Variants in SPATS2L observed in about 807,000 individuals in gnomAD.
SPATS2L encodes the protein spermatogenesis associated serine rich 2 like.
Under a neutral mutation model 59.6 loss-of-function variants are expected in SPATS2L, and 30 were observed. The observed-to-expected ratio is 0.50, with a 90% confidence interval of 0.38 to 0.68. SPATS2L has a LOEUF of 0.68. Ranked by LOEUF, SPATS2L falls within the 30% of genes least tolerant of loss-of-function variation. The pLI, the probability that SPATS2L is intolerant of heterozygous loss-of-function variation, is 0.00. For synonymous variants in SPATS2L, 252 were observed against 263.5 expected, an observed-to-expected ratio of 0.96 and a Z score of 0.42; for missense variants, 615 against 700.0, an observed-to-expected ratio of 0.88 and a Z score of 1.37.
intron 2 of SPATS2L, among the ~76,000 whole-genome samples, chr2:200,371,450 G>A (rs544571892): frequency 6.6e-6 from 1 of 152,288 alleles, no homozygotes; most frequent in East Asian, 1.9e-4. Flanking sequence ...GTCACAAGTA[G>A]ACTTGTACAG....
chr2:200,473,305 G>T (rs1212575425), intron 12 of SPATS2L, among the ~76,000 whole-genome samples: 1 of 152,072 alleles, frequency 6.6e-6, no homozygotes, highest in East Asian at 1.9e-4. Context: ...TTGACCACGT[G>T]AGCAGAGTCC....
chr2:200,346,073 A>G (rs2080502079), intron 2 of SPATS2L, among the ~76,000 whole-genome samples: 2 of 152,184 alleles, frequency 1.3e-5, no homozygotes. Flanking sequence ...GATGCCGTAT[A>G]TTTTTCCTTG....
intron 1 of SPATS2L, among the ~76,000 whole-genome samples, chr2:200,323,124 T>G (rs1254584325): frequency 6.6e-6 from 1 of 152,194 alleles, no homozygotes; most frequent in East Asian, 1.9e-4. Flanking sequence ...ACTATGCAAC[T>G]AGTGAATAGT....
At chr2:200,402,823 A>T (rs1439033620) in intron 3 of SPATS2L, among the ~76,000 whole-genome samples, 1 of 152,244 alleles carries the variant, frequency 6.6e-6, no homozygotes, top group East Asian at 1.9e-4. Context: ...CATGGCCTAC[A>T]CAAAATTCAA....
rs969789865 is a variant in SPATS2L, at chr2:200,306,779, A to T, written c.-216A>T. Reference sequence around the variant, plus strand: ...GCCGGCAGCGCGGGGCGAGCTCCGGACGGCGCGCGGCCCAGGCAGCGGCTC... The same window carrying T: ...GCCGGCAGCGCGGGGCGAGCTCCGGTCGGCGCGCGGCCCAGGCAGCGGCTC... On this transcript the variant is annotated 5_prime_UTR_variant, in exon 1 of 13. Coordinates refer to ENST00000409140, the MANE Select transcript of SPATS2L (RefSeq NM_001100423.2). 9 of 981,670 alleles carry T rather than the reference A, an allele frequency of 9.2e-6. No homozygotes were observed. The highest frequency in any genetic ancestry group is 9.7e-6 in the Non-Finnish European group (8 of 828,252). 60.8% of individuals were successfully genotyped at this position (981,670 alleles called of 1,614,324 possible).
intron 2 of SPATS2L, among the ~76,000 whole-genome samples, chr2:200,364,279 A>G (rs1278943112): frequency 6.6e-6 from 1 of 152,350 alleles, no homozygotes; most frequent in East Asian, 1.9e-4. Flanking sequence ...TTACAGCAGC[A>G]CTAGGAAACA....
At chr2:200,352,391 T>C (rs908782115) in intron 2 of SPATS2L, among the ~76,000 whole-genome samples, 6 of 146,420 alleles carry the variant, frequency 4.1e-5, no homozygotes, top group Non-Finnish European at 8.9e-5. Context: ...AGCTCGATTT[T>C]CTCTCTCTCT....
intron 9 of SPATS2L, among the ~76,000 whole-genome samples, chr2:200,463,009 G>A (rs2086349064): frequency 6.6e-6 from 1 of 151,838 alleles, no homozygotes. Flanking sequence ...TACACGTCAG[G>A]CACTTAGCAC....
chr2:200,410,959 A>G (rs2082855850), intron 3 of SPATS2L, among the ~76,000 whole-genome samples: 1 of 151,388 alleles, frequency 6.6e-6, no homozygotes, highest in Admixed American at 6.6e-5. Context: ...AAAACTAAGA[A>G]CAATGAAATG....
At chr2:200,398,780 T>TGC (rs1208237554) in intron 3 of SPATS2L, among the ~76,000 whole-genome samples, 7 of 152,176 alleles carry the variant, frequency 4.6e-5, no homozygotes, top group Non-Finnish European at 8.8e-5. Context: ...GAGACTGTGC[T>TGC]GCGGATCAGA....
At chr2:200,362,514 A>G (rs1046195582) in intron 2 of SPATS2L, among the ~76,000 whole-genome samples, 3 of 152,172 alleles carry the variant, frequency 2.0e-5, no homozygotes, top group Non-Finnish European at 4.4e-5. Context: ...GAAAGTGGGA[A>G]GCACACCCTT....
intron 2 of SPATS2L, among the ~76,000 whole-genome samples, chr2:200,382,732 T>TG (rs2081862741): frequency 6.6e-6 from 1 of 152,108 alleles, no homozygotes. Context: ...TATGTAAAAA[T>TG]GGGGATAATC....
rs77762899 is a variant in SPATS2L, at chr2:200,325,824, A to G, written c.-72-3607A>G. 3.4e-3 allele frequency among the ~76,000 whole-genome samples: 523 copies of G among 152,342 alleles called. 5 individuals are homozygous for G. The highest frequency in any genetic ancestry group is 0.012 in the African/African-American group (503 of 41,576). Reference sequence around the variant, plus strand: ...ACAAACTCAGTATTTCTATAAACAAATAGTCTGATGCATCAGTTTATAAAC... The same window carrying G: ...ACAAACTCAGTATTTCTATAAACAAGTAGTCTGATGCATCAGTTTATAAAC... On this transcript the variant is annotated intron_variant, in intron 1 of 12. Transcript: ENST00000409140.
At chr2:200,378,853 C>G (rs1432590819) in intron 2 of SPATS2L, among the ~76,000 whole-genome samples, 1 of 152,142 alleles carries the variant, frequency 6.6e-6, no homozygotes, top group African/African-American at 2.4e-5. Flanking sequence ...ATTGCAGAAC[C>G]ACAATCCATG....
chr2:200,459,915 A>C lies in SPATS2L; in HGVS notation c.847+88A>C, dbSNP rs564291748. On this transcript the variant is annotated intron_variant, in intron 9 of 12. Transcript: ENST00000409140. ...AGACTGACAATGATACCGGCTTCTG[A>C]ACAGGGTCCTAAAATTTATATTGAA... 32 of 973,544 alleles carry C rather than the reference A, an allele frequency of 3.3e-5. No homozygotes were observed. In the African/African-American group the frequency reaches 3.8e-4, roughly 12 times the overall value. 60.3% of individuals were successfully genotyped at this position (973,544 alleles called of 1,614,324 possible).
At chr2:200,367,379 C>A (rs2081297637) in intron 2 of SPATS2L, among the ~76,000 whole-genome samples, 2 of 152,136 alleles carry the variant, frequency 1.3e-5, no homozygotes, top group African/African-American at 4.8e-5. Context: ...GTGGACAGAA[C>A]ACAGTCTTCT....
intron 3 of SPATS2L, among the ~76,000 whole-genome samples, chr2:200,407,429 C>T (rs2082724600): frequency 6.6e-6 from 1 of 152,158 alleles, no homozygotes; most frequent in Non-Finnish European, 1.5e-5. Flanking sequence ...AAGGACAGTA[C>T]AACACTTACT....
At chr2:200,360,007 C>G (rs974298965) in intron 2 of SPATS2L, among the ~76,000 whole-genome samples, 1 of 152,116 alleles carries the variant, frequency 6.6e-6, no homozygotes, top group African/African-American at 2.4e-5. Context: ...CATCTTTTTC[C>G]ATATCTTTTC....
At chr2:200,309,359 T>G (rs1285106381) in intron 1 of SPATS2L, among the ~76,000 whole-genome samples, 2 of 152,226 alleles carry the variant, frequency 1.3e-5, no homozygotes, top group African/African-American at 4.8e-5. Context: ...CTTCGTAAGA[T>G]CTAAGCTGCT....
Sources: gnomAD v4.1 joint callset for allele counts (sites outside exome capture counted in the v4.1 genomes callset) on GRCh38, gnomAD v4.1.1 for gene constraint, MANE v1.5 for transcripts, NCBI Gene and HGNC (gene_info 2026-07-23, HGNC 2026-07-21) for gene names.